The following ADAMTS2 variants were observed in gnomAD, a reference collection of about 807,000 sequenced individuals.
ADAMTS2 encodes A disintegrin and metalloproteinase with thrombospondin motifs 2.
A neutral mutation model predicts 123.0 loss-of-function variants in ADAMTS2; 50 were observed. The observed-to-expected ratio is 0.41, with a 90% CI of 0.32 to 0.51. ADAMTS2 has a LOEUF of 0.51. Ranked by LOEUF, ADAMTS2 falls within the 20% of genes least tolerant of loss-of-function variation. ADAMTS2 has a pLI of 0.35. For missense variants in ADAMTS2, 1,494 were observed against 1,705.2 expected (o/e 0.88, Z 2.18); for synonymous variants, 678 against 695.4 (o/e 0.98, Z 0.39).
chr5:179,126,264 G>T, intron 17 of ADAMTS2, 134 bp from the exon 18 acceptor site: 1 of 1,335,902 alleles, frequency 7.5e-7, no homozygotes, highest in South Asian at 1.2e-5. Flanking sequence ...GGGTGGGCAG[G>T]GCACCGAGCC....
chr5:179,230,202 C>A (rs777502518), intron 3 of ADAMTS2, among the ~76,000 whole-genome samples: 1 of 152,016 alleles, frequency 6.6e-6, no homozygotes, highest in African/African-American at 2.4e-5. Context: ...CAGGGCTGGG[C>A]GTGAGGTGGG....
intron 2 of ADAMTS2, among the ~76,000 whole-genome samples, chr5:179,274,312 T>C (rs1400534639): frequency 6.6e-6 from 1 of 152,202 alleles, no homozygotes; most frequent in African/African-American, 2.4e-5. Flanking sequence ...TTATGACCCA[T>C]GCAGGGGATT....
intron 5 of ADAMTS2, among the ~76,000 whole-genome samples, chr5:179,164,408 G>T (rs1326954700): frequency 1.3e-5 from 2 of 152,212 alleles, no homozygotes; most frequent in Non-Finnish European, 2.9e-5. Flanking sequence ...ATGCATGCAG[G>T]TGTGGCTGGT....
chr5:179,179,142 TCAC>T (rs34834952), intron 5 of ADAMTS2, among the ~76,000 whole-genome samples: 3,467 of 152,238 alleles, frequency 0.023, 33 homozygotes, highest in Middle Eastern at 0.044. Flanking sequence ...AGACAGGGTT[TCAC>T]CACGTTAGCT....
chr5:179,152,178 C>T lies in ADAMTS2; in HGVS notation c.1593G>A (p.Gly531=). The T allele has an allele frequency of 1.2e-6, 2 of 1,614,018 alleles. No individual in the cohort carries two copies. The part of the protein sequence containing the change: ...DNPYFCKTKK[G]PPLDGTMCAP... ...CACACATAGTCCCGTCCAAGGGGGG[C>T]CCCTTCTTGGTCTTGCAAAAGTAGG... Residue 531 remains glycine, a synonymous_variant, in exon 10 of 22, where the codon GGG becomes GGA. Transcript: ENST00000251582.
In ADAMTS2 at chr5:179,174,692, A is replaced by T. The variant is rs192381703; in HGVS notation, c.975+6380T>A. Among the ~76,000 whole-genome samples, 11 of 152,354 alleles carry T rather than the reference A, an allele frequency of 7.2e-5. No homozygotes were observed. The East Asian group carries it at 1.9e-3, about 27-fold the overall frequency. ...CTATGAAAGTTTATGCACATATGGC[A>T]CTATTTTAATTATCTTCACTTTACA... On this transcript the variant is annotated intron_variant, in intron 5 of 21. Transcript: ENST00000251582.
At chr5:179,281,412 C>A (rs1474063556) in intron 2 of ADAMTS2, among the ~76,000 whole-genome samples, 1 of 152,216 alleles carries the variant, frequency 6.6e-6, no homozygotes, top group African/African-American at 2.4e-5. Context: ...TTGGCCTATT[C>A]TGGACATTTC....
intron 2 of ADAMTS2, among the ~76,000 whole-genome samples, chr5:179,329,138 T>G (rs377848): frequency 0.56 from 84,996 of 151,526 alleles, 24,144 homozygotes; most frequent in Non-Finnish European, 0.62. Context: ...CCATCCTGGC[T>G]AACACGGTGA....
chr5:179,291,905 TTA>T (rs772374599), intron 2 of ADAMTS2, among the ~76,000 whole-genome samples: 4 of 135,592 alleles, frequency 3.0e-5, no homozygotes, highest in African/African-American at 8.9e-5. Context: ...GCTAGCTAAT[TTA>T]AAAAAAAAAA....
chr5:179,292,405 A>G (rs1365479949), intron 2 of ADAMTS2, among the ~76,000 whole-genome samples: 1 of 151,866 alleles, frequency 6.6e-6, no homozygotes, highest in Non-Finnish European at 1.5e-5. Flanking sequence ...AAGAACAGGA[A>G]GAGATAGCTC....
intron 2 of ADAMTS2, among the ~76,000 whole-genome samples, chr5:179,305,933 A>G (rs1468864545): frequency 2.0e-5 from 3 of 152,202 alleles, no homozygotes; most frequent in African/African-American, 7.2e-5. Flanking sequence ...CCCAAGACAA[A>G]GTAGATAGCA....
rs1462683964 is a variant in ADAMTS2 at position 179,122,717 on chromosome 5, C to A, written c.3015G>T (p.Ala1005=). The change falls in exon 20 of 22, where the codon GCG becomes GCT. Residue 1005 remains alanine, a synonymous_variant. Transcript: ENST00000251582. ...CCTGGCAGATGCCGAAGCTGTCGTCCGCGGTGCGGCAGAGCACTGGCCGCT... is the reference window on the plus strand; with the variant it reads ...CCTGGCAGATGCCGAAGCTGTCGTCAGCGGTGCGGCAGAGCACTGGCCGCT... ...TQERPVLCRT[A]DDSFGICQEE... is the part of the protein sequence containing the mutation. The A allele has an allele frequency of 1.3e-6, 2 of 1,552,278 alleles. No homozygotes were observed. Among genetic ancestry groups the A allele is most frequent in the Non-Finnish European group, 1.7e-6 (2 of 1,147,984 alleles).
At chr5:179,236,981 G>A (rs1765543970) in intron 3 of ADAMTS2, among the ~76,000 whole-genome samples, 1 of 152,146 alleles carries the variant, frequency 6.6e-6, no homozygotes, top group East Asian at 1.9e-4. Flanking sequence ...ATGGCCAGGT[G>A]CAGTGGCTTA....
rs1351624883 is a variant in ADAMTS2, at chr5:179,128,062, C to T, written c.2514G>A (p.Glu838=). The change falls in exon 17 of 22, where the codon GAG becomes GAA. Residue 838 remains glutamate (E), a synonymous_variant. Transcript: ENST00000251582. The surrounding 1 kb of genome is among the most constrained non-coding windows in gnomAD (Gnocchi z 4.9). ...TGTTGTCGTCGACATTCAGTGAGTCCTCATGGATCATGTATTTGTACGTCA... is the reference window on the plus strand; with the variant it reads ...TGTTGTCGTCGACATTCAGTGAGTCTTCATGGATCATGTATTTGTACGTCA... ...VSLTYKYMIH[E]DSLNVDDNNV... 6.2e-7 allele frequency: 1 copy of T among 1,614,054 alleles called. No individual in the cohort carries two copies. Among genetic ancestry groups the T allele is most frequent in the Middle Eastern group, 1.6e-4 (1 of 6,062 alleles).
intron 2 of ADAMTS2, among the ~76,000 whole-genome samples, chr5:179,313,624 A>G (rs1581266896): frequency 6.5e-5 from 1 of 15,270 alleles, no homozygotes; most frequent in Non-Finnish European, 1.5e-4. Context: ...ACTCATGCAC[A>G]CACACACTCA....
chr5:179,214,011 C>T (rs1156359581), intron 3 of ADAMTS2, among the ~76,000 whole-genome samples: 3 of 152,214 alleles, frequency 2.0e-5, no homozygotes. Flanking sequence ...AACACGTGAC[C>T]TTGTCAAGCA....
In ADAMTS2 at chr5:179,128,478, C is replaced by T. The variant is rs923368631; in HGVS notation, c.2458-360G>A. Among the ~76,000 whole-genome samples the T allele has an allele frequency of 3.3e-4, 50 of 152,198 alleles. No homozygotes were observed. The South Asian group carries it at 3.7e-3, about 11-fold the overall frequency. Reference sequence around the variant, plus strand: ...CACGATCTCGGCTCACTGCAACCTCCGCCTCCCAGGTTCAAGCGATTCTCC... The same window carrying T: ...CACGATCTCGGCTCACTGCAACCTCTGCCTCCCAGGTTCAAGCGATTCTCC... On this transcript the variant is annotated intron_variant, in intron 16 of 21. Coordinates refer to ENST00000251582, the MANE Select transcript of ADAMTS2 (RefSeq NM_014244.5). The surrounding 1 kb of genome is among the most constrained non-coding windows in gnomAD (Gnocchi z 4.9).
intron 2 of ADAMTS2, among the ~76,000 whole-genome samples, chr5:179,325,587 T>A (rs1334888668): frequency 6.6e-6 from 1 of 152,216 alleles, no homozygotes; most frequent in Non-Finnish European, 1.5e-5. Context: ...CTGGCCATAG[T>A]GATTTGCCTG....
intron 3 of ADAMTS2, among the ~76,000 whole-genome samples, chr5:179,231,750 T>C (rs990184002): frequency 6.6e-6 from 1 of 151,916 alleles, no homozygotes; most frequent in Non-Finnish European, 1.5e-5. Flanking sequence ...GTCTTCTCGG[T>C]GCAGTGAATA....
Sources: allele counts gnomAD v4.1 joint callset (sites outside exome capture counted in the v4.1 genomes callset), GRCh38; gene constraint gnomAD v4.1.1; non-coding constraint Gnocchi (gnomAD v3.1); transcripts MANE v1.5; gene names NCBI Gene and HGNC (gene_info 2026-07-23, HGNC 2026-07-21).